Variants in SCAPER observed in about 807,000 individuals in gnomAD.
SCAPER encodes the protein S-phase cyclin A associated protein in the ER, also known as S phase cyclin A-associated protein in the endoplasmic reticulum.
Under a neutral mutation model 182.2 loss-of-function variants are expected in SCAPER, and 98 were observed. The observed-to-expected ratio is 0.54, with a 90% CI of 0.46 to 0.64. The LOEUF (loss-of-function observed/expected upper bound fraction) is 0.64, where lower values mean the gene tolerates loss of function less well. Among genes scored for constraint, SCAPER ranks in the 30% least tolerant of loss-of-function variants. The pLI, the probability that SCAPER is intolerant of heterozygous loss-of-function variation, is 0.00. For missense variants in SCAPER, 1,432 were observed against 1,690.0 expected, an observed-to-expected ratio of 0.85 and a Z score of 2.68; for synonymous variants, 605 against 564.6, an observed-to-expected ratio of 1.07 and a Z score of -1.01.
intron 25 of SCAPER, among the ~76,000 whole-genome samples, chr15:76,463,085 C>A (rs1015591247): frequency 9.9e-5 from 15 of 152,066 alleles, no homozygotes; most frequent in Admixed American, 9.2e-4. Context: ...GTCAATAAGA[C>A]ATATGGCACA....
At chr15:76,482,329 G>C (rs1211022803) in intron 24 of SCAPER, among the ~76,000 whole-genome samples, 3 of 152,038 alleles carry the variant, frequency 2.0e-5, no homozygotes, top group Non-Finnish European at 4.4e-5. Context: ...GTCATGCTTA[G>C]AAAGTGACAA....
chr15:76,534,423 A>G (rs1224042567), intron 23 of SCAPER, among the ~76,000 whole-genome samples: 2 of 152,210 alleles, frequency 1.3e-5, no homozygotes, highest in African/African-American at 4.8e-5. Flanking sequence ...TACGGTCACA[A>G]TTTAGTTGAG....
intron 21 of SCAPER, among the ~76,000 whole-genome samples, chr15:76,650,586 A>C (rs73457082): frequency 0.019 from 2,834 of 152,174 alleles, 90 homozygotes; most frequent in African/African-American, 0.063. Context: ...AAATGTGGAC[A>C]TTCTTTTTGA....
chr15:76,667,954 CTG>C (rs1175006789), intron 20 of SCAPER, among the ~76,000 whole-genome samples: 1 of 135,830 alleles, frequency 7.4e-6, no homozygotes, highest in Non-Finnish European at 1.7e-5. Context: ...CAAGGCAAGA[CTG>C]TCTTTAAAAA....
intron 29 of SCAPER, among the ~76,000 whole-genome samples, chr15:76,373,943 C>G (rs1032973062): frequency 6.6e-5 from 10 of 150,994 alleles, no homozygotes; most frequent in African/African-American, 2.4e-4. Flanking sequence ...GCAATTTCAG[C>G]TCTCGTTGTA....
chr15:76,496,863 G>A (rs572946245), intron 24 of SCAPER, among the ~76,000 whole-genome samples: 32 of 152,224 alleles, frequency 2.1e-4, no homozygotes, highest in Non-Finnish European at 4.1e-4. Flanking sequence ...CCAATCTAGT[G>A]TTAAAATAAT....
chr15:76,812,209 G>A (rs561213372), intron 5 of SCAPER, among the ~76,000 whole-genome samples: 6 of 152,236 alleles, frequency 3.9e-5, no homozygotes, highest in Admixed American at 3.3e-4. Flanking sequence ...AGCTACTCAG[G>A]AGGCTGAGGT....
chr15:76,681,720 C>T (rs1001850467), intron 20 of SCAPER, among the ~76,000 whole-genome samples: 1 of 152,130 alleles, frequency 6.6e-6, no homozygotes, highest in African/African-American at 2.4e-5. Context: ...CCACAGATCC[C>T]TGGAATCCTA....
At chr15:76,440,215 C>T (rs1044268878) in intron 25 of SCAPER, among the ~76,000 whole-genome samples, 1 of 152,118 alleles carries the variant, frequency 6.6e-6, no homozygotes, top group Non-Finnish European at 1.5e-5. Flanking sequence ...ATACTGGTGC[C>T]GATTCTCTAA....
rs942791027 is a variant in SCAPER, at chr15:76,855,480, T to C, written c.195+2329A>G. Reference sequence around the variant, plus strand: ...AGCAAAAAAAAAAAAAAAAAAAAAGTAAACAACTTACAGAATGGGAGAAAA... The same window carrying C: ...AGCAAAAAAAAAAAAAAAAAAAAAGCAAACAACTTACAGAATGGGAGAAAA... On this transcript the variant is annotated intron_variant, in intron 4 of 31. Transcript: ENST00000563290. 1.0e-4 allele frequency among the ~76,000 whole-genome samples: 10 copies of C among 95,984 alleles called. No homozygotes were observed. The East Asian group carries it at 3.3e-3, about 31-fold the overall frequency. 63.0% of individuals were successfully genotyped at this position (95,984 alleles called of 152,430 possible).
Position 76,871,578 on chromosome 15 carries a change from T to TA in SCAPER, c.7-9046_7-9045insT, listed in dbSNP as rs1290544925. ...CGTTATCTGTTACAATTTGCTTTTT[T>TA]TTTTTTTTTTTTTAGATGGAGTCTC... On this transcript the variant is annotated intron_variant, in intron 2 of 31. Transcript: ENST00000563290. Among the ~76,000 whole-genome samples the TA allele has an allele frequency of 2.0e-5, 3 of 148,806 alleles. 1 individual carries two copies. Among genetic ancestry groups the TA allele is most frequent in the African/African-American group, 7.4e-5 (3 of 40,644 alleles).
At chr15:76,406,439 T>C (rs1391072097) in intron 26 of SCAPER, among the ~76,000 whole-genome samples, 1 of 151,784 alleles carries the variant, frequency 6.6e-6, no homozygotes, top group Non-Finnish European at 1.5e-5. Context: ...GATCATGCCA[T>C]TGTACTCCAG....
intron 4 of SCAPER, among the ~76,000 whole-genome samples, chr15:76,856,164 G>A (rs558025553): frequency 2.0e-5 from 3 of 152,016 alleles, no homozygotes; most frequent in Non-Finnish European, 4.4e-5. Context: ...GCAAACTATC[G>A]CAGAAACAGA....
chr15:76,782,030 A>C (rs1370020782), intron 8 of SCAPER, among the ~76,000 whole-genome samples: 1 of 152,220 alleles, frequency 6.6e-6, no homozygotes, highest in Non-Finnish European at 1.5e-5. Context: ...TCAAATTCAC[A>C]CATAATAATA....
intron 21 of SCAPER, among the ~76,000 whole-genome samples, chr15:76,641,660 C>G (rs1022880037): frequency 2.0e-5 from 3 of 152,124 alleles, no homozygotes; most frequent in African/African-American, 7.2e-5. Flanking sequence ...TAAACAGGAA[C>G]TTGGCTAATT....
intron 29 of SCAPER, among the ~76,000 whole-genome samples, chr15:76,364,496 T>C (rs905285677): frequency 1.1e-4 from 17 of 152,314 alleles, no homozygotes; most frequent in African/African-American, 3.6e-4. Flanking sequence ...TTTTCTCATG[T>C]AGTGAGGGGT....
At chr15:76,547,962 T>A (rs2045434247) in intron 23 of SCAPER, among the ~76,000 whole-genome samples, 1 of 152,182 alleles carries the variant, frequency 6.6e-6, no homozygotes, top group East Asian at 1.9e-4. Flanking sequence ...TTTGATTGAA[T>A]CTTACTTATG....
chr15:76,888,429 A>G (rs1164522613), intron 1 of SCAPER, among the ~76,000 whole-genome samples: 1 of 152,202 alleles, frequency 6.6e-6, no homozygotes, highest in African/African-American at 2.4e-5. Flanking sequence ...AAACCTTGAA[A>G]AAAGGTTAGA....
intron 23 of SCAPER, among the ~76,000 whole-genome samples, chr15:76,541,500 C>T (rs1006477396): frequency 6.6e-6 from 1 of 152,148 alleles, no homozygotes; most frequent in African/African-American, 2.4e-5. Flanking sequence ...CTTACTCTGT[C>T]GGTGATGGAC....
Sources: allele counts gnomAD v4.1 joint callset (sites outside exome capture counted in the v4.1 genomes callset), GRCh38; gene constraint gnomAD v4.1.1; transcripts MANE v1.5; gene names NCBI Gene and HGNC (gene_info 2026-07-23, HGNC 2026-07-21).